GABRB3: variants seen among roughly 807,000 people sequenced by gnomAD.
The protein encoded by GABRB3 is gamma-aminobutyric acid receptor subunit beta-3.
Under a neutral mutation model 52.1 loss-of-function variants are expected in GABRB3, and 14 were observed. The ratio of observed to expected loss-of-function variants is 0.27; its 90% confidence interval spans 0.18 to 0.42. The LOEUF (loss-of-function observed/expected upper bound fraction) is 0.42, where lower values mean the gene tolerates loss of function less well. Ranked by LOEUF, GABRB3 falls within the 10% of genes least tolerant of loss-of-function variation. The pLI, the probability that GABRB3 is intolerant of heterozygous loss-of-function variation, is 1.00. For synonymous variants in GABRB3, 260 were observed against 232.3 expected (o/e 1.12, Z -1.08); for missense variants, 307 against 609.1 (o/e 0.50, Z 5.22).
intron 3 of GABRB3, among the ~76,000 whole-genome samples, chr15:26,629,838 G>T (rs1186975433): frequency 6.6e-6 from 1 of 152,154 alleles, no homozygotes; most frequent in Non-Finnish European, 1.5e-5. Flanking sequence ...CTGACACACT[G>T]AATGTGTGTT....
chr15:26,658,838 T>A (rs1394926076), intron 3 of GABRB3: 2 of 152,240 alleles, frequency 1.3e-5, no homozygotes, highest in Non-Finnish European at 2.9e-5. Flanking sequence ...GGAACTGCTA[T>A]GTTGCCAATT....
intron 4 of GABRB3, among the ~76,000 whole-genome samples, chr15:26,618,010 A>C (rs1478468145): frequency 4.6e-5 from 7 of 152,188 alleles, no homozygotes; most frequent in Admixed American, 4.6e-4. Flanking sequence ...TCAATGAAAT[A>C]AAAGAGGATA....
At chr15:26,650,543 G>C in intron 3 of GABRB3, among the ~76,000 whole-genome samples, 1 of 151,938 alleles carries the variant, frequency 6.6e-6, no homozygotes, top group East Asian at 2.0e-4. Flanking sequence ...CAGATGGGGT[G>C]GGTACCCAGT....
At chr15:26,647,210 T>G (rs1887041352) in intron 3 of GABRB3, among the ~76,000 whole-genome samples, 1 of 152,228 alleles carries the variant, frequency 6.6e-6, no homozygotes, top group Non-Finnish European at 1.5e-5. Flanking sequence ...TTTGTTTTTC[T>G]TATTGTTAAG....
At chr15:26,554,037 T>TATATATATATATATATATATATATA (rs59100810) in intron 8 of GABRB3, among the ~76,000 whole-genome samples, 1,496 of 58,100 alleles carry the variant, frequency 0.026, 260 homozygotes, top group Non-Finnish European at 0.032. Context: ...ATATATATAT[T>TATATATATATATATATATATATATA]TATTTATTTA....
At chr15:26,742,330 C>T (rs1890229445) in intron 3 of GABRB3, among the ~76,000 whole-genome samples, 1 of 151,186 alleles carries the variant, frequency 6.6e-6, no homozygotes. Context: ...CATTCTTTAC[C>T]CAATTTTTAG....
intron 3 of GABRB3, among the ~76,000 whole-genome samples, chr15:26,711,373 T>A (rs1182242840): frequency 6.6e-6 from 1 of 152,226 alleles, no homozygotes. Flanking sequence ...TCTGGGAAAC[T>A]GGCCCTCCGA....
chr15:26,552,600 T>C (rs1378007212), intron 8 of GABRB3, among the ~76,000 whole-genome samples: 1 of 152,104 alleles, frequency 6.6e-6, no homozygotes, highest in Non-Finnish European at 1.5e-5. Context: ...TCATTCACTA[T>C]CCCTAAGAAG....
chr15:26,712,004 G>A (rs1033551078), intron 3 of GABRB3, among the ~76,000 whole-genome samples: 2 of 152,100 alleles, frequency 1.3e-5, no homozygotes, highest in Non-Finnish European at 2.9e-5. Flanking sequence ...AGCAGAGCAG[G>A]CTGAGCAGCT....
At chr15:26,678,548 G>C in intron 3 of GABRB3, among the ~76,000 whole-genome samples, 1 of 152,016 alleles carries the variant, frequency 6.6e-6, no homozygotes, top group South Asian at 2.1e-4. Context: ...CACAAGGAGA[G>C]AGAGAGAATG....
intron 3 of GABRB3, among the ~76,000 whole-genome samples, chr15:26,718,260 G>A (rs895078379): frequency 2.0e-5 from 3 of 152,100 alleles, no homozygotes; most frequent in African/African-American, 4.8e-5. Context: ...CCAGGCTGGA[G>A]TGCAATGGCA....
Position 26,716,776 on chromosome 15 carries a change from A to AC in GABRB3, c.240+55625dup, listed in dbSNP as rs1200302784. The AC allele has an allele frequency of 1.4e-5, 16 of 1,154,650 alleles. 2 individuals are homozygous for AC. The highest frequency in any genetic ancestry group is 8.1e-5 in the Admixed American group (2 of 24,622). 71.5% of individuals were successfully genotyped at this position (1,154,650 alleles called of 1,614,324 possible). The stretch of plus-strand genomic sequence containing the variant: ...TAACAGCCCAGCTCTGAGGACCTCC[A>AC]CCAAATGACAGCCCAGCTCTGAGGA... On this transcript the variant is annotated intron_variant, in intron 3 of 8. Coordinates refer to ENST00000311550, the MANE Select transcript of GABRB3 (RefSeq NM_000814.6).
intron 3 of GABRB3, among the ~76,000 whole-genome samples, chr15:26,680,337 G>A (rs990657358): frequency 6.6e-6 from 1 of 152,172 alleles, no homozygotes; most frequent in South Asian, 2.1e-4. Flanking sequence ...TCTGGAGAAG[G>A]CTGACAGGCA....
At chr15:26,740,316 C>G (rs935428886) in intron 3 of GABRB3, among the ~76,000 whole-genome samples, 1 of 152,030 alleles carries the variant, frequency 6.6e-6, no homozygotes, top group Non-Finnish European at 1.5e-5. Context: ...CTCAGGGGCC[C>G]AATGGGGTAG....
rs1488797465 is a variant in GABRB3, at chr15:26,764,146, T to G, written c.240+8256A>C. Among the ~76,000 whole-genome samples the G allele has an allele frequency of 5.3e-5, 3 of 56,438 alleles. No individual in the cohort carries two copies. The Admixed American group carries it at 9.5e-4, about 18-fold the overall frequency. 37.0% of individuals were successfully genotyped at this position (56,438 alleles called of 152,430 possible). On this transcript the variant is annotated intron_variant, in intron 3 of 8. Transcript: ENST00000311550. ...GCCTGGGCAACAGTGAGAGACTCGG[T>G]CTCAAAAAAAAAAAAAAAAAAAAAA...
At chr15:26,683,073 C>A (rs562361437) in intron 3 of GABRB3, among the ~76,000 whole-genome samples, 151 of 150,422 alleles carry the variant, frequency 1.0e-3, no homozygotes, top group African/African-American at 2.7e-3. Flanking sequence ...AAAACAGACT[C>A]CCCAGGCCAG....
intron 4 of GABRB3, chr15:26,590,269 C>G (rs892674157): frequency 1.3e-5 from 2 of 152,142 alleles, no homozygotes; most frequent in Non-Finnish European, 1.5e-5. Flanking sequence ...CTAGCAGGAC[C>G]TGGAAGCAAG....
intron 4 of GABRB3, among the ~76,000 whole-genome samples, chr15:26,594,904 T>C (rs894898120): frequency 6.6e-6 from 1 of 152,218 alleles, no homozygotes; most frequent in African/African-American, 2.4e-5. Flanking sequence ...GCATTCTTTC[T>C]CAGTCTTTGC....
chr15:26,674,196 G>A (rs1887986895), intron 3 of GABRB3, among the ~76,000 whole-genome samples: 1 of 151,624 alleles, frequency 6.6e-6, no homozygotes, highest in African/African-American at 2.4e-5. Context: ...GAGGTCAGTA[G>A]TTTGAGACCA....
Sources: gnomAD v4.1 joint callset for allele counts (sites outside exome capture counted in the v4.1 genomes callset) on GRCh38, gnomAD v4.1.1 for gene constraint, MANE v1.5 for transcripts, NCBI Gene and HGNC (gene_info 2026-07-23, HGNC 2026-07-21) for gene names.